CNTNAP5: variants seen among roughly 807,000 people sequenced by gnomAD.
CNTNAP5 encodes the protein contactin-associated protein-like 5.
CNTNAP5 carries 72 observed loss-of-function variants against 150.2 expected under a neutral mutation model. The ratio of observed to expected loss-of-function variants is 0.48; its 90% CI spans 0.40 to 0.58. The LOEUF is 0.58. Ranked by LOEUF, CNTNAP5 falls within the 20% of genes least tolerant of loss-of-function variation. The pLI, the probability that CNTNAP5 is intolerant of heterozygous loss-of-function variation, is 0.00. For missense variants in CNTNAP5, 1,636 were observed against 1,626.2 expected (o/e 1.01, Z -0.10); for synonymous variants, 672 against 619.8 (o/e 1.08, Z -1.25).
chr2:124,197,976 C>CAAA (rs35172247), intron 1 of CNTNAP5, among the ~76,000 whole-genome samples: 1 of 144,748 alleles, frequency 6.9e-6, no homozygotes, highest in African/African-American at 2.5e-5. Flanking sequence ...GACTCTGTCT[C>CAAA]AAAAAAAAAA....
At chr2:124,064,381 T>TC (rs1044161893) in intron 1 of CNTNAP5, among the ~76,000 whole-genome samples, 3 of 152,102 alleles carry the variant, frequency 2.0e-5, no homozygotes, top group African/African-American at 7.2e-5. Flanking sequence ...TTGCCTTTTT[T>TC]CCCCTCATTA....
At chr2:124,508,465 T>C (rs1211554778) in intron 8 of CNTNAP5, among the ~76,000 whole-genome samples, 1 of 152,074 alleles carries the variant, frequency 6.6e-6, no homozygotes, top group Non-Finnish European at 1.5e-5. Flanking sequence ...AGGCCTCAGG[T>C]CAAAAATGAA....
intron 1 of CNTNAP5, among the ~76,000 whole-genome samples, chr2:124,047,632 C>T (rs779004900): frequency 3.3e-5 from 5 of 152,232 alleles, no homozygotes; most frequent in African/African-American, 9.6e-5. Flanking sequence ...AAGCACTCCA[C>T]GCCTCCTGCG....
At chr2:124,892,428 C>T (rs1678212097) in intron 21 of CNTNAP5, among the ~76,000 whole-genome samples, 1 of 152,066 alleles carries the variant, frequency 6.6e-6, no homozygotes, top group Middle Eastern at 3.2e-3. Flanking sequence ...GTCACTGAAA[C>T]CAGTTTGAGC....
At chr2:124,219,976 AACATTT>A (rs1252246005) in intron 1 of CNTNAP5, among the ~76,000 whole-genome samples, 1 of 152,080 alleles carries the variant, frequency 6.6e-6, no homozygotes, top group Non-Finnish European at 1.5e-5. Context: ...AATATTTTTC[AACATTT>A]GTATTTGGGA....
In CNTNAP5 at chr2:124,527,309, C is replaced by G; in HGVS notation, c.1502C>G (p.Ser501Cys). 6.2e-7 allele frequency: 1 copy of G among 1,613,544 alleles called. No individual in the cohort carries two copies. Among genetic ancestry groups the G allele is most frequent in the Non-Finnish European group, 8.5e-7 (1 of 1,179,658 alleles). Reference sequence around the variant, plus strand: ...GGGTGCCCCGACAATCTCACCGATTCCCAATGTTTAAATCCCATTAAGGCT... The same window carrying G: ...GGGTGCCCCGACAATCTCACCGATTGCCAATGTTTAAATCCCATTAAGGCT... ...FGGCPDNLTD[S>C]QCLNPIKAFQ... Residue 501 changes from serine (S) to cysteine (C), a missense_variant, in exon 10 of 24, where the codon TCC becomes TGC. Transcript: ENST00000682447.
Position 124,593,978 on chromosome 2 carries a change from G to C in CNTNAP5, c.1757-15823G>C, listed in dbSNP as rs1024312574. Among the ~76,000 whole-genome samples the C allele has an allele frequency of 5.1e-5, 5 of 97,866 alleles. 1 individual carries two copies. The highest frequency in any genetic ancestry group is 1.8e-4 in the African/African-American group (5 of 27,244). The allele number at this position is 97,866 out of a possible 152,430, so 64.2% of individuals were successfully genotyped here. Reference sequence around the variant, plus strand: ...CATGTCCTTCGCCCACTTTTTGATGGGGTTGTTTGTTTTTTTCTTGTAAAT... The same window carrying C: ...CATGTCCTTCGCCCACTTTTTGATGCGGTTGTTTGTTTTTTTCTTGTAAAT... On this transcript the variant is annotated intron_variant, in intron 11 of 23. Transcript: ENST00000682447.
intron 1 of CNTNAP5, among the ~76,000 whole-genome samples, chr2:124,044,860 G>A (rs999551630): frequency 7.5e-5 from 11 of 146,426 alleles, no homozygotes; most frequent in South Asian, 2.2e-4. Flanking sequence ...TCCCAACCCC[G>A]CCACAGACGG....
At chr2:124,606,741 G>A (rs1034107516) in intron 11 of CNTNAP5, among the ~76,000 whole-genome samples, 1 of 152,174 alleles carries the variant, frequency 6.6e-6, no homozygotes, top group Non-Finnish European at 1.5e-5. Flanking sequence ...CTGGTGCAGG[G>A]AAACTCTCCC....
intron 3 of CNTNAP5, among the ~76,000 whole-genome samples, chr2:124,270,539 CG>C (rs1687721533): frequency 6.6e-6 from 1 of 152,026 alleles, no homozygotes; most frequent in Admixed American, 6.6e-5. Flanking sequence ...TGTTTGGAGA[CG>C]GGCCAGGGTC....
chr2:124,815,374 T>C (rs1315224325), intron 19 of CNTNAP5, among the ~76,000 whole-genome samples: 3 of 152,208 alleles, frequency 2.0e-5, no homozygotes, highest in African/African-American at 7.2e-5. Context: ...GCCCTTGTCT[T>C]ACAAATATAT....
chr2:124,233,036 T>G (rs1686662510), intron 2 of CNTNAP5, among the ~76,000 whole-genome samples: 1 of 100,020 alleles, frequency 1.0e-5, no homozygotes, highest in South Asian at 3.2e-4. Flanking sequence ...TTTTTGTATC[T>G]GTGGGTTTTT....
chr2:124,336,598 C>T (rs547361610), intron 3 of CNTNAP5, among the ~76,000 whole-genome samples: 2 of 141,336 alleles, frequency 1.4e-5, no homozygotes, highest in Non-Finnish European at 3.0e-5. Flanking sequence ...TTGCTCAGTT[C>T]CCGCCTATGA....
chr2:124,678,219 T>C (rs2105065724), intron 13 of CNTNAP5, among the ~76,000 whole-genome samples: 1 of 151,808 alleles, frequency 6.6e-6, no homozygotes, highest in East Asian at 1.9e-4. Flanking sequence ...CCCAGGAAGG[T>C]TGCATAGCAG....
chr2:124,147,515 G>A (rs1480175380), intron 1 of CNTNAP5, among the ~76,000 whole-genome samples: 1 of 152,242 alleles, frequency 6.6e-6, no homozygotes, highest in African/African-American at 2.4e-5. Context: ...ATTTCAGGAA[G>A]AGAGATAAAG....
At chr2:124,107,072 C>A (rs1417214343) in intron 1 of CNTNAP5, among the ~76,000 whole-genome samples, 3 of 151,888 alleles carry the variant, frequency 2.0e-5, no homozygotes, top group Non-Finnish European at 2.9e-5. Context: ...GAGAAGCCAG[C>A]ACATCCAACC....
chr2:124,708,361 A>C (rs573578411), intron 13 of CNTNAP5, among the ~76,000 whole-genome samples: 1 of 152,274 alleles, frequency 6.6e-6, no homozygotes, highest in South Asian at 2.1e-4. Context: ...TGGAAGCTAG[A>C]GTCAATGAAG....
chr2:124,817,899 A>C (rs931599395), intron 19 of CNTNAP5, among the ~76,000 whole-genome samples: 1 of 152,190 alleles, frequency 6.6e-6, no homozygotes, highest in African/African-American at 2.4e-5. Context: ...ATTTTAAAAC[A>C]ATAATAAAAC....
At chr2:124,833,232 C>A (rs1335405491) in intron 19 of CNTNAP5, among the ~76,000 whole-genome samples, 1 of 152,040 alleles carries the variant, frequency 6.6e-6, no homozygotes, top group African/African-American at 2.4e-5. Flanking sequence ...TCCTAAGAAA[C>A]AAAAGATCTC....
Sources: allele counts gnomAD v4.1 joint callset (sites outside exome capture counted in the v4.1 genomes callset), GRCh38; gene constraint gnomAD v4.1.1; transcripts MANE v1.5; gene names NCBI Gene and HGNC (gene_info 2026-07-23, HGNC 2026-07-21).